TUSC3: variants seen among roughly 807,000 people sequenced by gnomAD.
TUSC3 encodes tumor suppressor candidate 3.
In TUSC3, 45 loss-of-function variants were observed where a neutral mutation model predicts 44.8. The ratio of observed to expected loss-of-function variants is 1.00; its 90% CI spans 0.79 to 1.29. TUSC3 has a LOEUF of 1.29. TUSC3 is among the 50% of genes most tolerant of loss of function. The pLI, the probability that TUSC3 is intolerant of heterozygous loss-of-function variation, is 0.00. For synonymous variants in TUSC3, 212 were observed against 152.9 expected (o/e 1.39, Z -2.85); for missense variants, 519 against 437.9 (o/e 1.19, Z -1.65).
the TUSC3 span, among the ~76,000 whole-genome samples, chr8:15,849,810 A>C: frequency 1.1e-4 from 2 of 18,608 alleles, no homozygotes; most frequent in Non-Finnish European, 4.9e-4. Flanking sequence ...TGAAGCCTAC[A>C]AAAAAAAAAA....
At chr8:15,638,200 C>T (rs540105138) in intron 2 of TUSC3, among the ~76,000 whole-genome samples, 15 of 151,976 alleles carry the variant, frequency 9.9e-5, no homozygotes, top group African/African-American at 3.1e-4. Context: ...TAGGATCCCT[C>T]GTACCCCTTT....
At chr8:15,815,390 G>T in the TUSC3 span, among the ~76,000 whole-genome samples, 1 of 152,066 alleles carries the variant, frequency 6.6e-6, no homozygotes. Context: ...TATAATAAGT[G>T]ATATTTAGTC....
At chr8:15,612,072 G>T (rs1274274331) in intron 1 of TUSC3, among the ~76,000 whole-genome samples, 1 of 152,108 alleles carries the variant, frequency 6.6e-6, no homozygotes, top group Non-Finnish European at 1.5e-5. Context: ...TGTTTCTGTG[G>T]GTTAGCAGTT....
chr8:15,560,522 C>G (rs1802420098), intron 1 of TUSC3, among the ~76,000 whole-genome samples: 1 of 150,642 alleles, frequency 6.6e-6, no homozygotes, highest in Non-Finnish European at 1.5e-5. Context: ...GTGGCATTCT[C>G]TGTGTTTCCT....
At chr8:15,622,580 T>C (rs1585163037) in intron 1 of TUSC3, among the ~76,000 whole-genome samples, 1 of 152,344 alleles carries the variant, frequency 6.6e-6, no homozygotes, top group East Asian at 1.9e-4. Flanking sequence ...TTTAGCACAG[T>C]ACATCAGTTT....
At chr8:15,709,592 G>C (rs1409307900) in intron 6 of TUSC3, among the ~76,000 whole-genome samples, 2 of 151,868 alleles carry the variant, frequency 1.3e-5, no homozygotes, top group Non-Finnish European at 2.9e-5. Flanking sequence ...GGGAAAGCTT[G>C]AATGATGTGA....
intron 1 of TUSC3, 105 bp downstream of exon 1, chr8:15,540,673 T>TGGGCGATGCCGGCGC (rs1382498569): frequency 4.3e-6 from 6 of 1,401,146 alleles, no homozygotes; most frequent in Non-Finnish European, 5.6e-6. Context: ...GTCGCCGGCG[T>TGGGCGATGCCGGCGC]GGGCGATGCC....
the TUSC3 span, among the ~76,000 whole-genome samples, chr8:15,772,507 G>A: frequency 6.6e-6 from 1 of 152,172 alleles, no homozygotes; most frequent in Non-Finnish European, 1.5e-5. Context: ...CTTAACAAGA[G>A]ATTGAACTGG....
intron 2 of TUSC3, among the ~76,000 whole-genome samples, chr8:15,496,562 G>C (rs924712571): frequency 6.6e-6 from 1 of 152,128 alleles, no homozygotes; most frequent in African/African-American, 2.4e-5. Context: ...GGGAGAGAGT[G>C]ATTTTTCTCC....
chr8:15,738,991 C>G (rs1019822347), intron 7 of TUSC3, among the ~76,000 whole-genome samples: 1 of 151,632 alleles, frequency 6.6e-6, no homozygotes, highest in Non-Finnish European at 1.5e-5. Flanking sequence ...CGCCACCATG[C>G]CTGGCTAATT....
chr8:15,733,969 G>A (rs1001150303), intron 7 of TUSC3, among the ~76,000 whole-genome samples: 11 of 152,284 alleles, frequency 7.2e-5, no homozygotes, highest in South Asian at 6.2e-4. Context: ...ACTTGAGCCC[G>A]GGAGGTCAAG....
At chr8:15,454,160 C>A (rs900308703) in intron 1 of TUSC3, among the ~76,000 whole-genome samples, 1 of 152,122 alleles carries the variant, frequency 6.6e-6, no homozygotes, top group African/African-American at 2.4e-5. Flanking sequence ...GGACACAAGA[C>A]CCCGGAAGCA....
chr8:15,649,231 G>A (rs1806774982), intron 2 of TUSC3, among the ~76,000 whole-genome samples: 1 of 152,048 alleles, frequency 6.6e-6, no homozygotes, highest in Non-Finnish European at 1.5e-5. Flanking sequence ...TTGCGGTGGG[G>A]ATGAAGGCTA....
At chr8:15,530,157 A>C in intron 2 of TUSC3, among the ~76,000 whole-genome samples, 1 of 151,938 alleles carries the variant, frequency 6.6e-6, no homozygotes, top group East Asian at 1.9e-4. Context: ...CTCTGCTTAC[A>C]TCTTTGCTCT....
At chr8:15,704,956 A>T (rs1809558644) in intron 6 of TUSC3, among the ~76,000 whole-genome samples, 1 of 151,996 alleles carries the variant, frequency 6.6e-6, no homozygotes, top group South Asian at 2.1e-4. Context: ...TAAAAAAAAA[A>T]AAATAGTCCT....
rs541144993 is a variant in TUSC3, at chr8:15,613,748, A to G, written c.139-9332A>G. Among the ~76,000 whole-genome samples, 63 of 152,322 alleles carry G rather than the reference A, an allele frequency of 4.1e-4. No homozygotes were observed. The South Asian group carries it at 6.0e-3, about 15-fold the overall frequency. On this transcript the variant is annotated intron_variant, in intron 1 of 10. Transcript: ENST00000503731. Reference sequence around the variant, plus strand: ...TCTCAGGTTTTGTAAGAGTTGTATTATATTCCATCTTATAGATATTTCTGT... The same window carrying G: ...TCTCAGGTTTTGTAAGAGTTGTATTGTATTCCATCTTATAGATATTTCTGT...
At chr8:15,697,113 G>T (rs998867491) in intron 6 of TUSC3, among the ~76,000 whole-genome samples, 2 of 152,122 alleles carry the variant, frequency 1.3e-5, no homozygotes, top group South Asian at 4.1e-4. Flanking sequence ...TTTCAGTGGT[G>T]TCAGCTGTAA....
Position 15,650,764 on chromosome 8 carries a change from C to G in TUSC3, c.376C>G (p.Leu126Val). The change falls in exon 3 of 11, where the codon CTC (leucine) becomes GTC (valine). Residue 126 changes from leucine to valine, a missense_variant. Transcript: ENST00000503731. The stretch of plus-strand genomic sequence containing the variant: ...CTATTCATCTGCTTTTTGTAACAAG[C>G]TCTTCTTCAGTATGGTGGACTATGA... ...WRYSSAFCNK[L>V]FFSMVDYDEG... 1 of 1,614,144 alleles carries G rather than the reference C, an allele frequency of 6.2e-7. No homozygotes were observed. Among genetic ancestry groups the G allele is most frequent in the Non-Finnish European group, 8.5e-7 (1 of 1,180,030 alleles).
intron 2 of TUSC3, among the ~76,000 whole-genome samples, chr8:15,489,747 A>G (rs753186584): frequency 3.9e-5 from 6 of 152,164 alleles, no homozygotes; most frequent in Admixed American, 1.3e-4. Flanking sequence ...AAAGGGAGAA[A>G]AGTATAATGA....
Sources: gnomAD v4.1 joint callset for allele counts (sites outside exome capture counted in the v4.1 genomes callset) on GRCh38, gnomAD v4.1.1 for gene constraint, MANE v1.5 for transcripts, NCBI Gene and HGNC (gene_info 2026-07-23, HGNC 2026-07-21) for gene names.